LPP: variants seen among roughly 807,000 people sequenced by gnomAD.
LPP encodes lipoma-preferred partner.
In LPP, 38 loss-of-function variants were observed where a neutral mutation model predicts 60.4. The observed-to-expected ratio is 0.63, with a 90% CI of 0.49 to 0.83. The LOEUF is 0.83. Among genes scored for constraint, LPP ranks in the 40% least tolerant of loss-of-function variants. The probability of loss-of-function intolerance (pLI) is 0.00; values close to 1 mark genes in which losing one functional copy is unlikely to be tolerated. For missense variants in LPP, 902 were observed against 783.6 expected (o/e 1.15, Z -1.80); for synonymous variants, 328 against 290.8 (o/e 1.13, Z -1.30).
At chr3:188,457,129 G>T (rs977348495) in intron 4 of LPP, among the ~76,000 whole-genome samples, 1 of 152,182 alleles carries the variant, frequency 6.6e-6, no homozygotes, top group Non-Finnish European at 1.5e-5. Flanking sequence ...AACATCCCCA[G>T]AATCTGGTCC....
At chr3:188,371,641 A>ATATT (rs1553878071) in intron 3 of LPP, among the ~76,000 whole-genome samples, 16 of 32,172 alleles carry the variant, frequency 5.0e-4, no homozygotes, top group Non-Finnish European at 5.2e-4. Flanking sequence ...ATATATATAT[A>ATATT]TTTTTTTTTT....
intron 1 of LPP, among the ~76,000 whole-genome samples, chr3:188,219,276 G>A (rs140131030): frequency 4.9e-4 from 75 of 152,238 alleles, no homozygotes; most frequent in Middle Eastern, 3.4e-3. Flanking sequence ...TAGAATCCAA[G>A]GGTCAAGCAC....
At chr3:188,798,759 G>A (rs1171996817) in intron 9 of LPP, among the ~76,000 whole-genome samples, 3 of 144,378 alleles carry the variant, frequency 2.1e-5, no homozygotes, top group Admixed American at 7.1e-5. Flanking sequence ...TAACAACATG[G>A]GAAGCCCACG....
chr3:188,188,492 T>A (rs1419798890), intron 1 of LPP, among the ~76,000 whole-genome samples: 1 of 152,118 alleles, frequency 6.6e-6, no homozygotes, highest in East Asian at 1.9e-4. Flanking sequence ...TAACAATTAT[T>A]TGGCGAAGTG....
In LPP at chr3:188,203,962, A is replaced by G. The variant is rs571779502; in HGVS notation, c.-189-21443A>G. ...AGCTGTGTGAAAAGTTTTGTTGACT[A>G]CAAAGAGCTACAGACATCTTCCTTT... On this transcript the variant is annotated intron_variant, in intron 1 of 11. Coordinates refer to ENST00000617246, the MANE Select transcript of LPP (RefSeq NM_001375462.1). Among the ~76,000 whole-genome samples the G allele has an allele frequency of 6.0e-4, 91 of 152,290 alleles. 5 individuals are homozygous for G. The South Asian group carries it at 0.019, about 31-fold the overall frequency.
rs1560306631 is a variant in LPP, at chr3:188,368,715, CACACAG to C, written c.-10+26998_-10+27003del. Among the ~76,000 whole-genome samples, 404 of 74,144 alleles carry C rather than the reference CACACAG, an allele frequency of 5.4e-3. 1 individual carries two copies. Among genetic ancestry groups the C allele is most frequent in the Middle Eastern group, 0.045 (5 of 110 alleles). The allele number at this position is 74,144 out of a possible 152,430, so 48.6% of individuals were successfully genotyped here. ...ACACACACACACACACACACACACA[CACACAG>C]AGAGAGAGAGAGAGAGAGAGAGAGA... is the stretch of plus-strand genomic sequence containing the variant. On this transcript the variant is annotated intron_variant, in intron 3 of 11. Transcript: ENST00000617246.
At chr3:188,433,718 C>A in intron 4 of LPP, among the ~76,000 whole-genome samples, 1 of 129,476 alleles carries the variant, frequency 7.7e-6, no homozygotes, top group Non-Finnish European at 1.6e-5. Flanking sequence ...AGAAGAGAGG[C>A]CAGAGAGAAA....
chr3:188,428,121 C>G (rs751311526), intron 4 of LPP, among the ~76,000 whole-genome samples: 1 of 152,098 alleles, frequency 6.6e-6, no homozygotes, highest in African/African-American at 2.4e-5. Context: ...CAGAGTGCAC[C>G]GTTTGTCATG....
In LPP at chr3:188,592,557, G is replaced by GTTTGTTTGTTTTTTTTTTTTTT. The variant is rs1260656926; in HGVS notation, c.430-16601_430-16600insGTTTGTTTTTTTTTTTTTTTTT. On this transcript the variant is annotated intron_variant, in intron 6 of 11. Transcript: ENST00000617246. ...TATCACTGTTTTTAGTTTTGTTTTT[G>GTTTGTTTGTTTTTTTTTTTTTT]TTTTTTAAATGGAGTCTCACTCTTT... 2.7e-4 allele frequency among the ~76,000 whole-genome samples: 23 copies of GTTTGTTTGTTTTTTTTTTTTTT among 85,744 alleles called. No homozygotes were observed. In the South Asian group the frequency reaches 3.4e-3, roughly 13 times the overall value. The allele number at this position is 85,744 out of a possible 152,430, so 56.3% of individuals were successfully genotyped here.
chr3:188,593,393 A>C (rs1485555612), intron 6 of LPP, among the ~76,000 whole-genome samples: 2 of 152,100 alleles, frequency 1.3e-5, no homozygotes, highest in African/African-American at 2.4e-5. Context: ...GAATAATTTC[A>C]TACTTTAATA....
chr3:188,860,238 T>C (rs1764861934), intron 9 of LPP, among the ~76,000 whole-genome samples: 1 of 152,074 alleles, frequency 6.6e-6, no homozygotes, highest in Non-Finnish European at 1.5e-5. Flanking sequence ...AGAATCAAGG[T>C]AGAGAATAAG....
chr3:188,724,724 C>A (rs1392287995), intron 8 of LPP, among the ~76,000 whole-genome samples: 3 of 152,198 alleles, frequency 2.0e-5, no homozygotes, highest in Non-Finnish European at 4.4e-5. Flanking sequence ...CAGAAACTCT[C>A]TTCTCCCCAC....
intron 7 of LPP, among the ~76,000 whole-genome samples, chr3:188,639,163 C>T (rs1275968353): frequency 6.6e-6 from 1 of 152,156 alleles, no homozygotes; most frequent in Non-Finnish European, 1.5e-5. Context: ...GGTACCAAAA[C>T]AGTGATATAG....
At chr3:188,357,459 A>G (rs1347960239) in intron 3 of LPP, among the ~76,000 whole-genome samples, 1 of 150,152 alleles carries the variant, frequency 6.7e-6, no homozygotes, top group Non-Finnish European at 1.5e-5. Context: ...TCTACTAACA[A>G]ATTTAAAGAC....
At chr3:188,632,058 T>C (rs1023281610) in intron 7 of LPP, among the ~76,000 whole-genome samples, 1 of 152,190 alleles carries the variant, frequency 6.6e-6, no homozygotes, top group Non-Finnish European at 1.5e-5. Flanking sequence ...TCCTTCCTCG[T>C]CAAAGCATGT....
rs144635539 is a variant in LPP at position 188,176,138 on chromosome 3, A to G, written c.-190+21886A>G. Among the ~76,000 whole-genome samples the G allele has an allele frequency of 2.1e-3, 319 of 152,262 alleles. 2 individuals are homozygous for G. The highest frequency in any genetic ancestry group is 6.8e-3 in the Middle Eastern group (2 of 294). ...CTAGTCTAATGGTTCTCAAACTCGAAGGAACATTAGGGTCATCCTGGAGAG... is the reference window on the plus strand; with the variant it reads ...CTAGTCTAATGGTTCTCAAACTCGAGGGAACATTAGGGTCATCCTGGAGAG... On this transcript the variant is annotated intron_variant, in intron 1 of 11. Coordinates refer to ENST00000617246, the MANE Select transcript of LPP (RefSeq NM_001375462.1).
chr3:188,541,673 G>A (rs981587944), intron 6 of LPP, among the ~76,000 whole-genome samples: 2 of 152,106 alleles, frequency 1.3e-5, no homozygotes, highest in Non-Finnish European at 2.9e-5. Flanking sequence ...GGGAAGGGCG[G>A]ATCACCTGAG....
At chr3:188,244,034 C>G (rs920388337) in intron 2 of LPP, among the ~76,000 whole-genome samples, 4 of 152,104 alleles carry the variant, frequency 2.6e-5, no homozygotes, top group African/African-American at 9.7e-5. Context: ...CCACGCCCGG[C>G]TAATTTTTGT....
At chr3:188,206,896 A>G (rs907722631) in intron 1 of LPP, among the ~76,000 whole-genome samples, 1 of 152,164 alleles carries the variant, frequency 6.6e-6, no homozygotes, top group African/African-American at 2.4e-5. Flanking sequence ...GAGATAATGT[A>G]TGTAACCTGC....
Sources: gnomAD v4.1 joint callset for allele counts (sites outside exome capture counted in the v4.1 genomes callset) on GRCh38, gnomAD v4.1.1 for gene constraint, MANE v1.5 for transcripts, NCBI Gene and HGNC (gene_info 2026-07-23, HGNC 2026-07-21) for gene names.